MSR1: variants seen among roughly 807,000 people sequenced by gnomAD.
MSR1 encodes macrophage scavenger receptor types I and II.
In MSR1, 53 loss-of-function variants were observed where a neutral mutation model predicts 47.2. The ratio of observed to expected loss-of-function variants is 1.12; its 90% CI spans 0.90 to 1.41. The LOEUF (loss-of-function observed/expected upper bound fraction) is 1.41. Among genes scored for constraint, MSR1 ranks in the 40% most tolerant of loss-of-function variants. MSR1 has a pLI of 0.00. For synonymous variants in MSR1, 239 were observed against 185.6 expected (o/e 1.29, Z -2.34); for missense variants, 786 against 546.9 (o/e 1.44, Z -4.36).
At chr8:16,192,545 C>T (rs1433724381) in intron 1 of MSR1, 53 bp downstream of exon 1, 2 of 151,898 alleles carry the variant, frequency 1.3e-5, no homozygotes, top group African/African-American at 4.8e-5. Context: ...ACATAACAAT[C>T]AATAGAAACA....
intron 2 of MSR1, among the ~76,000 whole-genome samples, 177 bp downstream of exon 2, chr8:16,177,709 A>T (rs1054597374): frequency 8.5e-5 from 13 of 152,186 alleles, no homozygotes; most frequent in African/African-American, 3.1e-4. Flanking sequence ...TTCATATAAT[A>T]CTGCCTTACT....
Position 16,140,726 on chromosome 8 carries a change from G to A in MSR1, c.1033+2832C>T, listed in dbSNP as rs116791083. The A allele has an allele frequency of 2.3e-3, 3,242 of 1,401,866 alleles. 73 individuals carry two copies. In the African/African-American group the frequency reaches 0.04, roughly 17 times the overall value. The allele number at this position is 1,401,866 out of a possible 1,614,324, so 86.8% of individuals were successfully genotyped here. ...ACTGGTTGGAGCAGCCCTCCAGTCC[G>A]TGCATGAGAGGTGTCCAGGCTGGGG... On this transcript the variant is annotated intron_variant, in intron 8 of 9. Transcript: ENST00000262101.
intron 1 of MSR1, among the ~76,000 whole-genome samples, chr8:16,184,579 G>T (rs925590922): frequency 3.3e-5 from 5 of 152,056 alleles, no homozygotes; most frequent in African/African-American, 1.2e-4. Context: ...TTTTCTGATC[G>T]CATAAATTGA....
At chr8:16,184,982 G>A (rs78564092) in intron 1 of MSR1, among the ~76,000 whole-genome samples, 6,416 of 152,074 alleles carry the variant, frequency 0.042, 479 homozygotes, top group African/African-American at 0.15. Flanking sequence ...CCTGACAGGT[G>A]TAGTGGGCCA....
chr8:16,111,966 C>G (rs944464807), intron 9 of MSR1, among the ~76,000 whole-genome samples: 1 of 148,618 alleles, frequency 6.7e-6, no homozygotes, highest in Non-Finnish European at 1.5e-5. Flanking sequence ...AGCAAATCTC[C>G]TTTGGTGCCT....
intron 5 of MSR1, among the ~76,000 whole-genome samples, chr8:16,156,147 A>G (rs1486412974): frequency 6.6e-6 from 1 of 151,938 alleles, no homozygotes; most frequent in African/African-American, 2.4e-5. Context: ...ACACCAGAAG[A>G]AAGAAACAGA....
At chr8:16,155,010 G>T in intron 6 of MSR1, 54 bp downstream of exon 6, 1 of 1,415,856 alleles carries the variant, frequency 7.1e-7, no homozygotes, top group Non-Finnish European at 1.0e-6. Flanking sequence ...CATGTACCTG[G>T]ATGTATATCA....
chr8:16,175,118 C>CT (rs1801603316), intron 3 of MSR1, 69 bp downstream of exon 3: 1 of 1,268,372 alleles, frequency 7.9e-7, no homozygotes, highest in Admixed American at 1.7e-5. Context: ...CTGAATGCTT[C>CT]TTTTTTGCTT....
At chr8:16,124,181 G>A (rs1800075881) in intron 8 of MSR1, among the ~76,000 whole-genome samples, 1 of 152,152 alleles carries the variant, frequency 6.6e-6, no homozygotes, top group African/African-American at 2.4e-5. Context: ...GGACAAACAG[G>A]CCGAGTCACT....
intron 3 of MSR1, among the ~76,000 whole-genome samples, chr8:16,171,605 C>T (rs1055662555): frequency 6.6e-6 from 1 of 152,012 alleles, no homozygotes. Flanking sequence ...TTCTTATATA[C>T]TATGTGGAAA....
At chr8:16,187,404 A>G (rs1802035535) in intron 1 of MSR1, among the ~76,000 whole-genome samples, 1 of 60,484 alleles carries the variant, frequency 1.7e-5, no homozygotes, top group African/African-American at 4.1e-5. Flanking sequence ...AGAAAGAAAA[A>G]GCAAGCAAGC....
At chr8:16,162,650 G>A (rs1446197131) in intron 5 of MSR1, among the ~76,000 whole-genome samples, 4 of 152,008 alleles carry the variant, frequency 2.6e-5, no homozygotes, top group Non-Finnish European at 4.4e-5. Flanking sequence ...TGATTGCCAG[G>A]AAACAAAGGT....
intron 7 of MSR1, among the ~76,000 whole-genome samples, chr8:16,147,622 G>C (rs979009930): frequency 3.9e-5 from 6 of 151,966 alleles, no homozygotes; most frequent in Non-Finnish European, 7.4e-5. Flanking sequence ...TTTCATATTT[G>C]ACAATTATCG....
chr8:16,155,734 A>G (rs558821666), intron 5 of MSR1, among the ~76,000 whole-genome samples: 1 of 151,866 alleles, frequency 6.6e-6, no homozygotes, highest in Non-Finnish European at 1.5e-5. Context: ...GAATGAAGGG[A>G]AGGGGAAGGA....
At chr8:16,138,983 G>C (rs1382610665) in intron 8 of MSR1, among the ~76,000 whole-genome samples, 1 of 152,100 alleles carries the variant, frequency 6.6e-6, no homozygotes, top group Non-Finnish European at 1.5e-5. Flanking sequence ...CTGGACTCTT[G>C]TTTTATTAGC....
At chr8:16,176,040 T>C (rs1289618886) in intron 2 of MSR1, among the ~76,000 whole-genome samples, 1 of 152,222 alleles carries the variant, frequency 6.6e-6, no homozygotes, top group Non-Finnish European at 1.5e-5. Flanking sequence ...AAGTCATTTC[T>C]CTGATTAGTT....
intron 8 of MSR1, among the ~76,000 whole-genome samples, chr8:16,132,298 T>C (rs572858455): frequency 2.0e-5 from 3 of 152,238 alleles, no homozygotes; most frequent in African/African-American, 4.8e-5. Flanking sequence ...TTGACTGTTA[T>C]TGGTGTACAG....
rs572901299 is a variant in MSR1, at chr8:16,131,715, C to G, written c.1034-11109G>C. On this transcript the variant is annotated intron_variant, in intron 8 of 9. Coordinates refer to ENST00000262101, the MANE Select transcript of MSR1 (RefSeq NM_138715.3). ...TTCTGCATATGGCTAATCAGTTATC[C>G]CAGCACCATTTATTGAAAAGGGAGT... is the stretch of plus-strand genomic sequence containing the variant. 1.3e-4 allele frequency among the ~76,000 whole-genome samples: 20 copies of G among 151,938 alleles called. No homozygotes were observed. The South Asian group carries it at 3.5e-3, about 27-fold the overall frequency.
At chr8:16,174,979 T>C (rs1354546206) in intron 3 of MSR1, among the ~76,000 whole-genome samples, 4 of 152,220 alleles carry the variant, frequency 2.6e-5, no homozygotes, top group East Asian at 1.9e-4. Context: ...TTCCATTCTA[T>C]TTTGTTTTTT....
Sources: allele counts gnomAD v4.1 joint callset (sites outside exome capture counted in the v4.1 genomes callset), GRCh38; gene constraint gnomAD v4.1.1; transcripts MANE v1.5; gene names NCBI Gene and HGNC (gene_info 2026-07-23, HGNC 2026-07-21).